The following PCF11 variants were observed in gnomAD, a reference collection of about 807,000 sequenced individuals.
PCF11 encodes PCF11 cleavage and polyadenylation factor subunit.
In PCF11, 19 loss-of-function variants were observed where a neutral mutation model predicts 166.1. The ratio of observed to expected loss-of-function variants is 0.11; its 90% CI spans 0.08 to 0.17. The LOEUF (loss-of-function observed/expected upper bound fraction) is 0.17. Ranked by LOEUF, PCF11 falls within the 10% of genes least tolerant of loss-of-function variation. The probability of loss-of-function intolerance (pLI) is 1.00; values close to 1 mark genes in which losing one functional copy is unlikely to be tolerated. For synonymous variants in PCF11, 663 were observed against 644.1 expected, an observed-to-expected ratio of 1.03 and a Z score of -0.44; for missense variants, 1,565 against 1,855.5, an observed-to-expected ratio of 0.84 and a Z score of 2.88.
exon 5 of PCF11, chr11:83,166,524 A>T: frequency 6.2e-7 from 1 of 1,613,940 alleles, no homozygotes; most frequent in Non-Finnish European, 8.5e-7. Context: ...GGAAGACAGA[A>T]ATGCTAAGAG....
At chr11:83,160,613 T>C (rs1014287468) in intron 1 of PCF11, among the ~76,000 whole-genome samples, 8 of 152,188 alleles carry the variant, frequency 5.3e-5, no homozygotes, top group Middle Eastern at 3.4e-3. Flanking sequence ...GAGGAAAATA[T>C]CTCGGCGGAG....
At chr11:83,173,183 A>G (rs574493293) in intron 9 of PCF11, among the ~76,000 whole-genome samples, 3 of 152,272 alleles carry the variant, frequency 2.0e-5, no homozygotes, top group African/African-American at 4.8e-5. Flanking sequence ...TGGGCCGGGC[A>G]TGGTGGCTCA....
intron 9 of PCF11, among the ~76,000 whole-genome samples, chr11:83,172,305 T>G (rs2135432927): frequency 6.6e-6 from 1 of 152,324 alleles, no homozygotes; most frequent in South Asian, 2.1e-4. Flanking sequence ...TATGTTTTTG[T>G]GGGCACTCAA....
At chr11:83,182,125 C>A in intron 13 of PCF11, 116 bp downstream of exon 13, 1 of 881,974 alleles carries the variant, frequency 1.1e-6, no homozygotes, top group Non-Finnish European at 1.7e-6. Flanking sequence ...TTTAAGACTT[C>A]TTGAAAGCTC....
At chr11:83,169,026 G>C in exon 8 of PCF11, 4 of 1,613,836 alleles carry the variant, frequency 2.5e-6, no homozygotes, top group Non-Finnish European at 3.4e-6. Flanking sequence ...CTCATGGTCA[G>C]CCTGTGGGTG....
chr11:83,166,088 G>A lies in PCF11; in HGVS notation c.1191G>A (p.Met397Ile). 1 of 1,611,186 alleles carries A rather than the reference G, an allele frequency of 6.2e-7. No individual in the cohort carries two copies. The highest frequency in any genetic ancestry group is 8.5e-7 in the Non-Finnish European group (1 of 1,179,028). ...CGGAAAGTATGAGGTTGTCTGATAT[G>A]AACAAGAGAGATCCAAGATTAAAAA... is the stretch of plus-strand genomic sequence containing the variant. Residue 397 changes from methionine (M) to isoleucine (I), a missense_variant, in exon 5 of 16, where the codon ATG becomes ATA. By Grantham distance (10) the Met-to-Ile change is conservative (BLOSUM62 1). Transcript: ENST00000298281.
chr11:83,183,130 T>C, intron 15 of PCF11, 57 bp downstream of exon 15: 3 of 1,064,686 alleles, frequency 2.8e-6, no homozygotes, highest in Non-Finnish European at 2.7e-6. Flanking sequence ...ATTTTACTTT[T>C]CAGTTTTTTT....
intron 1 of PCF11, 87 bp downstream of exon 1, chr11:83,157,718 A>T: frequency 8.2e-7 from 1 of 1,219,280 alleles, no homozygotes; most frequent in Non-Finnish European, 1.2e-6. Context: ...TTCCATCCCA[A>T]GGGGGACAGT....
At chr11:83,168,747 G>C (rs1565155443) in exon 8 of PCF11, 1 of 1,613,952 alleles carries the variant, frequency 6.2e-7, no homozygotes, top group South Asian at 1.1e-5. Context: ...GAGGCCCTTT[G>C]AGATTTGAGG....
intron 3 of PCF11, 29 bp downstream of exon 3, chr11:83,163,896 A>G: frequency 9.7e-7 from 1 of 1,035,276 alleles, no homozygotes; most frequent in Non-Finnish European, 1.4e-6. Context: ...AGTAAGTAAC[A>G]TACTTTTAAG....
chr11:83,181,625 G>A (rs1861091755), intron 12 of PCF11, among the ~76,000 whole-genome samples: 1 of 150,722 alleles, frequency 6.6e-6, no homozygotes, highest in Admixed American at 6.6e-5. Context: ...TATACTTGAA[G>A]CTTGTCTTTT....
chr11:83,164,317 G>A (rs7130527), exon 4 of PCF11: 134,860 of 1,612,962 alleles, frequency 0.084, 6,342 homozygotes, highest in African/African-American at 0.15. Flanking sequence ...TAATAAGGCA[G>A]CAGTTACTGG....
intron 9 of PCF11, among the ~76,000 whole-genome samples, chr11:83,176,633 C>A (rs1330840844): frequency 6.7e-6 from 1 of 150,298 alleles, no homozygotes; most frequent in Non-Finnish European, 1.5e-5. Context: ...AGGAATTGAA[C>A]AATGGGAACA....
intron 8 of PCF11, 53 bp downstream of exon 8, chr11:83,170,048 T>A: frequency 7.0e-7 from 1 of 1,430,596 alleles, no homozygotes. Context: ...AACCATTTTT[T>A]AATGTTTCTA....
intron 9 of PCF11, among the ~76,000 whole-genome samples, chr11:83,175,624 A>G (rs1454072016): frequency 1.3e-5 from 2 of 152,136 alleles, no homozygotes; most frequent in African/African-American, 2.4e-5. Flanking sequence ...GTGTGGTGGC[A>G]CGCACCTGTA....
intron 1 of PCF11, among the ~76,000 whole-genome samples, chr11:83,160,628 C>T (rs987576827): frequency 6.6e-6 from 1 of 151,974 alleles, no homozygotes; most frequent in Non-Finnish European, 1.5e-5. Context: ...GCGGAGAGTC[C>T]AGGCTGTGAA....
At chr11:83,169,483 C>G in exon 8 of PCF11, 1 of 1,613,574 alleles carries the variant, frequency 6.2e-7, no homozygotes, top group Non-Finnish European at 8.5e-7. Context: ...GTCACTCTTG[C>G]CAAGATTTGA....
At chr11:83,159,027 T>A (rs1390169155) in intron 1 of PCF11, 5 of 152,200 alleles carry the variant, frequency 3.3e-5, no homozygotes, top group Non-Finnish European at 5.9e-5. Flanking sequence ...TGGGTAAACC[T>A]CTTCACAAGA....
chr11:83,170,975 A>G (rs1472139068), intron 8 of PCF11, among the ~76,000 whole-genome samples: 3 of 152,170 alleles, frequency 2.0e-5, no homozygotes, highest in Admixed American at 6.5e-5. Flanking sequence ...GATACTCTAG[A>G]ATGGTACTTA....
Sources: allele counts gnomAD v4.1 joint callset (sites outside exome capture counted in the v4.1 genomes callset), GRCh38; gene constraint gnomAD v4.1.1; transcripts MANE v1.5; gene names NCBI Gene and HGNC (gene_info 2026-07-23, HGNC 2026-07-21).